Variants in PCID2 observed in about 807,000 individuals in gnomAD.
PCID2 encodes PCI domain-containing protein 2.
A neutral mutation model predicts 61.3 loss-of-function variants in PCID2; 41 were observed. The observed-to-expected ratio is 0.67, with a 90% confidence interval of 0.52 to 0.87. The LOEUF (loss-of-function observed/expected upper bound fraction) is 0.87, where lower values mean the gene tolerates loss of function less well. PCID2 is among the 40% of genes least tolerant of loss of function. The pLI, the probability that PCID2 is intolerant of heterozygous loss-of-function variation, is 0.00. For synonymous variants in PCID2, 187 were observed against 177.8 expected, an observed-to-expected ratio of 1.05 and a Z score of -0.41; for missense variants, 392 against 493.4, an observed-to-expected ratio of 0.79 and a Z score of 1.95.
intron 6 of PCID2, among the ~76,000 whole-genome samples, chr13:113,192,525 G>C (rs1369632588): frequency 6.6e-6 from 1 of 152,172 alleles, no homozygotes; most frequent in Non-Finnish European, 1.5e-5. Flanking sequence ...AAAACGAATA[G>C]AACAAATCTG....
At position 113,190,874 on chromosome 13, in the gene PCID2, G is replaced by A; in HGVS notation, c.465C>T (p.Asp155=). The part of the protein sequence containing the change: ...LMSCFRVCAS[D]TRAGIEDSKK... Reference sequence around the variant, plus strand: ...TCGGTCCTCAAGTCCTTACTCACGTGTCGCTGGCACAGACCCGGAAACAGC... The same window carrying A: ...TCGGTCCTCAAGTCCTTACTCACGTATCGCTGGCACAGACCCGGAAACAGC... Residue 155 remains aspartate, a splice_region_variant and synonymous_variant, in exon 7 of 14, where the codon GAC becomes GAT. Transcript: ENST00000337344. 1 of 1,603,148 alleles carries A rather than the reference G, an allele frequency of 6.2e-7. No homozygotes were observed. The highest frequency in any genetic ancestry group is 2.2e-5 in the East Asian group (1 of 44,544).
At chr13:113,199,999 C>T (rs1232971326) in intron 2 of PCID2, among the ~76,000 whole-genome samples, 1 of 152,242 alleles carries the variant, frequency 6.6e-6, no homozygotes, top group Non-Finnish European at 1.5e-5. Context: ...GCCTCAACAT[C>T]ATCTACGCCA....
At chr13:113,175,339 A>G (rs931391365), downstream of PCID2, among the ~76,000 whole-genome samples, 7 of 152,216 alleles carry the variant, frequency 4.6e-5, no homozygotes, top group Non-Finnish European at 8.8e-5. Context: ...AGGTGTCACT[A>G]TGGACGGTTC....
rs1164165093 is a variant in PCID2 at position 113,192,108 on chromosome 13, A to G, written c.364-1133T>C. Among the ~76,000 whole-genome samples the G allele has an allele frequency of 2.2e-4, 33 of 152,108 alleles. 1 individual carries two copies. The highest frequency in any genetic ancestry group is 2.2e-3 in the Admixed American group (33 of 15,270). On this transcript the variant is annotated intron_variant, in intron 6 of 13. Coordinates refer to ENST00000337344, the MANE Select transcript of PCID2 (RefSeq NM_001127202.4). ...CTCTGTCTTAATTAAAAAATTTTAA[A>G]TTAGCCCGGTATCATGGCGTAGACC...
chr13:113,170,528 C>T, the PCID2 span: 1 of 1,532,288 alleles, frequency 6.5e-7, no homozygotes, highest in East Asian at 2.2e-5. Flanking sequence ...ACTGTAAAAA[C>T]ATGTAAGTAT....
In PCID2 at chr13:113,178,275, C is replaced by T. The variant is rs758864147; in HGVS notation, c.1123G>A (p.Gly375Ser). 3.1e-6 allele frequency: 5 copies of T among 1,613,474 alleles called. No homozygotes were observed. The South Asian group carries it at 5.5e-5, about 18-fold the overall frequency. Residue 375 changes from glycine to serine, a missense_variant, in exon 14 of 14, where the codon GGC (glycine) becomes AGC (serine). Coordinates refer to ENST00000337344, the MANE Select transcript of PCID2 (RefSeq NM_001127202.4). ...TTCTGATGCTGATGCGATATGTAGC[C>T]TTTGACGTGTCCCTGCGGGGCAGAA... ...ANLIYMGHVK[G>S]YISHQHQKLV...
intron 6 of PCID2, among the ~76,000 whole-genome samples, chr13:113,191,289 C>T (rs2038596337): frequency 1.3e-5 from 2 of 152,016 alleles, no homozygotes; most frequent in African/African-American, 4.8e-5. Context: ...CCATCCTGGC[C>T]TCCGGAAGTG....
downstream of PCID2, among the ~76,000 whole-genome samples, chr13:113,176,550 C>T (rs1271776393): frequency 2.7e-4 from 1 of 3,658 alleles, no homozygotes; most frequent in African/African-American, 3.1e-4. Context: ...TTGCTTTAGC[C>T]CAGGCGTTCC....
chr13:113,167,511 C>T, the PCID2 span, among the ~76,000 whole-genome samples: 2 of 152,194 alleles, frequency 1.3e-5, no homozygotes, highest in Admixed American at 6.5e-5. Context: ...AACAACTTCT[C>T]GTTTTCTCCT....
At chr13:113,207,473 C>T (rs562370655) in intron 1 of PCID2, among the ~76,000 whole-genome samples, 7 of 151,740 alleles carry the variant, frequency 4.6e-5, no homozygotes, top group African/African-American at 1.5e-4. Flanking sequence ...AAGATTAGGC[C>T]AAAACAGACA....
At chr13:113,177,199 A>G (rs9577213), downstream of PCID2, among the ~76,000 whole-genome samples, 2,654 of 152,264 alleles carry the variant, frequency 0.017, 167 homozygotes, top group East Asian at 0.21. Context: ...GTGCAATGGC[A>G]TGATCTCGGC....
intron 2 of PCID2, among the ~76,000 whole-genome samples, chr13:113,199,964 C>T (rs1370642501): frequency 2.0e-5 from 3 of 152,172 alleles, no homozygotes; most frequent in Non-Finnish European, 4.4e-5. Flanking sequence ...ACCAAATGTC[C>T]ACAAGATTTT....
intron 7 of PCID2, chr13:113,187,344 T>C (rs2138748091): frequency 6.6e-6 from 1 of 152,292 alleles, no homozygotes. Flanking sequence ...CCCCTCAGGG[T>C]GGAAATGCTG....
chr13:113,184,379 G>C lies in PCID2; in HGVS notation c.652C>G (p.Arg218Gly). ...QRVTYKYYVG[R>G]KAMFDSDFKQ... ...AAATCGCTGTCAAACATAGCCTTGCGTCCAACGTAGTATTTGTATGTTACT... is the reference window on the plus strand; with the variant it reads ...AAATCGCTGTCAAACATAGCCTTGCCTCCAACGTAGTATTTGTATGTTACT... Residue 218 changes from arginine (R) to glycine (G), a missense_variant, in exon 9 of 14, where the codon CGC becomes GGC. Around this residue, in one of 3 missense-constraint regions of PCID2, gnomAD observed 226 missense variants for 296.5 expected, o/e 0.76. Coordinates refer to ENST00000337344, the MANE Select transcript of PCID2 (RefSeq NM_001127202.4). 6.2e-7 allele frequency: 1 copy of C among 1,613,106 alleles called. No homozygotes were observed. The highest frequency in any genetic ancestry group is 8.5e-7 in the Non-Finnish European group (1 of 1,179,128).
In PCID2 at chr13:113,197,230, C is replaced by T. The variant is rs2039084323; in HGVS notation, c.214G>A (p.Val72Met). The change falls in exon 4 of 14, where the codon GTG (valine) becomes ATG (methionine). Residue 72 changes from valine to methionine, a missense_variant. Val to Met is a conservative substitution (Grantham distance 21, BLOSUM62 1). Coordinates refer to ENST00000337344, the MANE Select transcript of PCID2 (RefSeq NM_001127202.4). ...FAAHLRCTYA[V>M]GNHDFIEAYK... ...GCCTCTATGAAGTCATGATTCCCCA[C>T]TGCATAAGTGCACCTGGAGGAGAAA... 2 of 1,612,168 alleles carry T rather than the reference C, an allele frequency of 1.2e-6. No individual in the cohort carries two copies. The highest frequency in any genetic ancestry group is 1.7e-6 in the Non-Finnish European group (2 of 1,178,208).
intron 1 of PCID2, 63 bp downstream of exon 1, chr13:113,208,536 G>C: frequency 6.3e-7 from 1 of 1,584,578 alleles, no homozygotes; most frequent in South Asian, 1.1e-5. Flanking sequence ...CAAGGCAGGA[G>C]GGGACACACG....
At chr13:113,206,452 C>T (rs933024006) in intron 1 of PCID2, among the ~76,000 whole-genome samples, 11 of 152,142 alleles carry the variant, frequency 7.2e-5, no homozygotes, top group South Asian at 2.1e-4. Flanking sequence ...ATCTGAGAGA[C>T]TTCGGAGATA....
At chr13:113,192,290 T>C (rs1024424143) in intron 6 of PCID2, among the ~76,000 whole-genome samples, 4 of 152,160 alleles carry the variant, frequency 2.6e-5, no homozygotes, top group Admixed American at 2.6e-4. Flanking sequence ...ATGCAGTAAA[T>C]ATGAATTTTC....
intron 6 of PCID2, among the ~76,000 whole-genome samples, chr13:113,194,747 C>G (rs570017860): frequency 6.6e-6 from 1 of 152,268 alleles, no homozygotes; most frequent in East Asian, 1.9e-4. Context: ...CAGGCCACAT[C>G]TTAAAGGTAG....
Sources: gnomAD v4.1 joint callset for allele counts (sites outside exome capture counted in the v4.1 genomes callset) on GRCh38, gnomAD v4.1.1 for gene constraint, gnomAD v4.1.1 regional missense constraint, MANE v1.5 for transcripts, NCBI Gene and HGNC (gene_info 2026-07-23, HGNC 2026-07-21) for gene names.